The following PDZRN4 variants were observed in gnomAD, a reference collection of about 807,000 sequenced individuals.
The protein encoded by PDZRN4 is PDZ domain-containing RING finger protein 4.
In PDZRN4, 70 loss-of-function variants were observed where a neutral mutation model predicts 99.0. The observed-to-expected ratio is 0.71, with a 90% confidence interval of 0.58 to 0.86. The LOEUF (loss-of-function observed/expected upper bound fraction) is 0.86. PDZRN4 is among the 40% of genes least tolerant of loss of function. The pLI is 0.00. For synonymous variants in PDZRN4, 551 were observed against 501.6 expected (o/e 1.10, Z -1.32); for missense variants, 1,474 against 1,331.2 (o/e 1.11, Z -1.67).
At chr12:41,268,498 C>T (rs1003531849) in intron 3 of PDZRN4, among the ~76,000 whole-genome samples, 4 of 152,200 alleles carry the variant, frequency 2.6e-5, no homozygotes, top group Non-Finnish European at 4.4e-5. Context: ...AAAGGTTAAA[C>T]AAATTAGAAT....
intron 3 of PDZRN4, among the ~76,000 whole-genome samples, chr12:41,431,756 A>G (rs1952588020): frequency 1.3e-5 from 2 of 152,358 alleles, no homozygotes; most frequent in Middle Eastern, 3.4e-3. Flanking sequence ...AACTAAATGC[A>G]AATTGAAGAT....
chr12:41,270,647 T>C (rs1438037454), intron 3 of PDZRN4, among the ~76,000 whole-genome samples: 15 of 152,160 alleles, frequency 9.9e-5, no homozygotes, highest in Admixed American at 9.2e-4. Context: ...AACTGATTAA[T>C]CATACAATAA....
chr12:41,328,495 G>A (rs1951723430), intron 3 of PDZRN4, among the ~76,000 whole-genome samples: 1 of 152,046 alleles, frequency 6.6e-6, no homozygotes, highest in African/African-American at 2.4e-5. Context: ...CTCAAGCCTG[G>A]GCAGCAGAGT....
chr12:41,283,217 C>T (rs965051895), intron 3 of PDZRN4, among the ~76,000 whole-genome samples: 1 of 152,130 alleles, frequency 6.6e-6, no homozygotes, highest in Admixed American at 6.5e-5. Context: ...AAACTACCGT[C>T]AGAGAATATT....
intron 3 of PDZRN4, among the ~76,000 whole-genome samples, chr12:41,194,941 T>C (rs1357309723): frequency 6.6e-6 from 1 of 152,228 alleles, no homozygotes; most frequent in Admixed American, 6.5e-5. Flanking sequence ...TACAATACTT[T>C]TAATATTTCT....
chr12:41,355,123 C>G (rs757738544), intron 3 of PDZRN4, among the ~76,000 whole-genome samples: 1 of 152,002 alleles, frequency 6.6e-6, no homozygotes. Flanking sequence ...GTGAAGAGAT[C>G]GCTGAGGGCC....
chr12:41,478,078 C>G (rs1306307887), intron 3 of PDZRN4, among the ~76,000 whole-genome samples: 1 of 151,938 alleles, frequency 6.6e-6, no homozygotes, highest in South Asian at 2.1e-4. Context: ...CTCATAGGTA[C>G]CTTAAATGTT....
At chr12:41,437,898 A>C (rs1359909180) in intron 3 of PDZRN4, 2 of 1,613,734 alleles carry the variant, frequency 1.2e-6, no homozygotes, top group South Asian at 2.2e-5. Context: ...CTTGCCTTTC[A>C]GTTCTGGGGA....
chr12:41,426,320 G>C (rs1952536179), intron 3 of PDZRN4, among the ~76,000 whole-genome samples: 1 of 152,120 alleles, frequency 6.6e-6, no homozygotes, highest in African/African-American at 2.4e-5. Flanking sequence ...ATCCCAGCCT[G>C]TCCCACAGGT....
At chr12:41,241,091 A>G (rs547751890) in intron 3 of PDZRN4, among the ~76,000 whole-genome samples, 4 of 152,138 alleles carry the variant, frequency 2.6e-5, no homozygotes, top group African/African-American at 4.8e-5. Context: ...TCCCTTATCC[A>G]AAATGCTCAA....
chr12:41,386,788 T>A (rs1952173803), intron 3 of PDZRN4, among the ~76,000 whole-genome samples: 1 of 151,930 alleles, frequency 6.6e-6, no homozygotes, highest in African/African-American at 2.4e-5. Flanking sequence ...CATAGACCAA[T>A]GGAACAAAAT....
chr12:41,380,656 C>T (rs536196547), intron 3 of PDZRN4, among the ~76,000 whole-genome samples: 1 of 152,070 alleles, frequency 6.6e-6, no homozygotes, highest in African/African-American at 2.4e-5. Context: ...GTTGCTGTTA[C>T]AGCTTACATT....
intron 7 of PDZRN4, among the ~76,000 whole-genome samples, chr12:41,559,941 CTTCCATGATTGTAAGT>C (rs1313742418): frequency 1.3e-5 from 2 of 152,096 alleles, no homozygotes; most frequent in Non-Finnish European, 2.9e-5. Context: ...GAGGTGCCTT[CTTCCATGATTGTAAGT>C]TTCCTAAGGC....
intron 5 of PDZRN4, among the ~76,000 whole-genome samples, chr12:41,535,684 A>G (rs915298480): frequency 1.3e-5 from 2 of 152,084 alleles, no homozygotes; most frequent in Non-Finnish European, 1.5e-5. Flanking sequence ...TGCTCTTACC[A>G]TGGGAGTGGG....
intron 3 of PDZRN4, among the ~76,000 whole-genome samples, chr12:41,223,692 T>C (rs1334744378): frequency 6.6e-6 from 1 of 152,190 alleles, no homozygotes; most frequent in Non-Finnish European, 1.5e-5. Flanking sequence ...TACTCAAGCC[T>C]GTATTCACTC....
intron 3 of PDZRN4, among the ~76,000 whole-genome samples, chr12:41,369,148 C>T (rs532207330): frequency 6.6e-6 from 1 of 152,024 alleles, no homozygotes; most frequent in East Asian, 1.9e-4. Context: ...ATCTAATGAC[C>T]CTATCTTTAT....
At chr12:41,519,327 G>A (rs918309471) in intron 5 of PDZRN4, among the ~76,000 whole-genome samples, 2 of 152,000 alleles carry the variant, frequency 1.3e-5, no homozygotes, top group South Asian at 4.1e-4. Flanking sequence ...ACGTGCTTTA[G>A]AGATCACCTC....
At chr12:41,383,153 C>T (rs960998980) in intron 3 of PDZRN4, among the ~76,000 whole-genome samples, 5 of 152,092 alleles carry the variant, frequency 3.3e-5, no homozygotes, top group South Asian at 4.2e-4. Context: ...GAAATAGGAC[C>T]TTCTGTGCCT....
intron 8 of PDZRN4, among the ~76,000 whole-genome samples, chr12:41,565,102 A>C (rs1476301074): frequency 6.6e-6 from 1 of 152,180 alleles, no homozygotes; most frequent in Non-Finnish European, 1.5e-5. Context: ...GATGGAATAC[A>C]TATGCTGGGT....
Sources: gnomAD v4.1 joint callset for allele counts (sites outside exome capture counted in the v4.1 genomes callset) on GRCh38, gnomAD v4.1.1 for gene constraint, MANE v1.5 for transcripts, NCBI Gene and HGNC (gene_info 2026-07-23, HGNC 2026-07-21) for gene names.